The following SOX5 variants were observed in gnomAD, a reference collection of about 807,000 sequenced individuals.
The protein encoded by SOX5 is transcription factor SOX-5.
SOX5 carries 9 observed loss-of-function variants against 92.0 expected under a neutral mutation model. The ratio of observed to expected loss-of-function variants is 0.10; its 90% CI spans 0.06 to 0.17. The LOEUF is 0.17. Among genes scored for constraint, SOX5 ranks in the 10% least tolerant of loss-of-function variants. The pLI is 1.00. For missense variants in SOX5, 642 were observed against 944.5 expected (o/e 0.68, Z 4.20); for synonymous variants, 344 against 336.3 (o/e 1.02, Z -0.25).
chr12:24,357,853 AAGAAAG>A (rs1158174031), intron 2 of SOX5, among the ~76,000 whole-genome samples: 2 of 148,480 alleles, frequency 1.3e-5, no homozygotes, highest in Non-Finnish European at 1.5e-5. Context: ...AAAAAAAAAA[AAGAAAG>A]AAGAAAAAAG....
chr12:23,704,959 C>A (rs2091202240), intron 6 of SOX5, among the ~76,000 whole-genome samples: 1 of 151,296 alleles, frequency 6.6e-6, no homozygotes, highest in Non-Finnish European at 1.5e-5. Context: ...ATATAAAAGA[C>A]AGATGTTACT....
intron 4 of SOX5, among the ~76,000 whole-genome samples, chr12:23,979,897 CTGGCTGGCTGG>C (rs1413641413): frequency 4.5e-4 from 63 of 138,980 alleles, no homozygotes; most frequent in East Asian, 1.9e-3. Context: ...GGCTGGCTGG[CTGGCTGGCTGG>C]CTGGCCAGAC....
chr12:24,138,831 C>A (rs1357761187), intron 4 of SOX5, among the ~76,000 whole-genome samples: 1 of 152,090 alleles, frequency 6.6e-6, no homozygotes, highest in African/African-American at 2.4e-5. Context: ...TAGAGATATT[C>A]CCCCCATTTT....
At chr12:24,359,677 T>C (rs1750623505) in intron 2 of SOX5, among the ~76,000 whole-genome samples, 1 of 152,206 alleles carries the variant, frequency 6.6e-6, no homozygotes, top group African/African-American at 2.4e-5. Flanking sequence ...TTTTGCATGC[T>C]CTCGTGCTCT....
In SOX5 at chr12:24,383,001, A is replaced by T. The variant is rs907942258; in HGVS notation, c.-250-14362T>A. ...TAGAAACGAGGTTGCAATGTAAAAG[A>T]AATGTATATCCCCAAATAAGAGTTG... On this transcript the variant is annotated intron_variant, in intron 1 of 4. Coordinates refer to the SOX5 transcript ENST00000446891. Among the ~76,000 whole-genome samples, 8 of 152,148 alleles carry T rather than the reference A, an allele frequency of 5.3e-5. No homozygotes were observed. The East Asian group carries it at 1.3e-3, about 26-fold the overall frequency.
chr12:23,614,228 T>C (rs2076289926), intron 8 of SOX5, among the ~76,000 whole-genome samples: 1 of 152,232 alleles, frequency 6.6e-6, no homozygotes, highest in Non-Finnish European at 1.5e-5. Flanking sequence ...GAACATCACG[T>C]GCAAAGCCAT....
chr12:23,968,549 C>T (rs1366323658), intron 4 of SOX5, among the ~76,000 whole-genome samples: 1 of 152,204 alleles, frequency 6.6e-6, no homozygotes, highest in African/African-American at 2.4e-5. Context: ...TACTCCCCAC[C>T]CCATTCTTCC....
chr12:23,975,778 T>C lies in SOX5; in HGVS notation c.-1-79754A>G, dbSNP rs987978544. Among the ~76,000 whole-genome samples, 5 of 152,206 alleles carry C rather than the reference T, an allele frequency of 3.3e-5. No homozygotes were observed. In the East Asian group the frequency reaches 7.7e-4, roughly 23 times the overall value. On this transcript the variant is annotated intron_variant, in intron 4 of 4. Coordinates refer to the SOX5 transcript ENST00000446891. ...AGCACGTAGAAGAGTCCCTTGAACA[T>C]AATATGCACTATAAGTTTTTCTATT... is the stretch of plus-strand genomic sequence containing the variant.
At chr12:23,762,981 A>G (rs151295028) in intron 3 of SOX5, among the ~76,000 whole-genome samples, 284 of 152,128 alleles carry the variant, frequency 1.9e-3, no homozygotes, top group African/African-American at 6.6e-3. Flanking sequence ...ATAGACTACA[A>G]CTCTTTGTTT....
At chr12:24,418,249 G>T (rs1965358255) in intron 1 of SOX5, among the ~76,000 whole-genome samples, 1 of 152,114 alleles carries the variant, frequency 6.6e-6, no homozygotes, top group Non-Finnish European at 1.5e-5. Flanking sequence ...TCCTTCCTCA[G>T]TATGTAAGAG....
At chr12:23,837,276 T>TA (rs1460397321) in intron 3 of SOX5, among the ~76,000 whole-genome samples, 4 of 79,472 alleles carry the variant, frequency 5.0e-5, no homozygotes, top group African/African-American at 2.0e-4. Context: ...ATATAATATG[T>TA]ATTTATATTT....
chr12:24,517,650 A>C (rs999703376), intron 1 of SOX5, among the ~76,000 whole-genome samples: 3 of 152,094 alleles, frequency 2.0e-5, no homozygotes, highest in African/African-American at 7.2e-5. Context: ...CAAACATGTT[A>C]TCTAATAAAA....
At chr12:23,812,775 C>A (rs1342420031) in intron 3 of SOX5, among the ~76,000 whole-genome samples, 1 of 152,048 alleles carries the variant, frequency 6.6e-6, no homozygotes, top group Admixed American at 6.5e-5. Flanking sequence ...CCTAAAAAGA[C>A]GAATACTGAT....
chr12:23,959,732 A>G (rs1946682084), intron 4 of SOX5, among the ~76,000 whole-genome samples: 1 of 152,182 alleles, frequency 6.6e-6, no homozygotes, highest in African/African-American at 2.4e-5. Flanking sequence ...AAGCAATACA[A>G]ATTGTTCAAA....
intron 3 of SOX5, among the ~76,000 whole-genome samples, chr12:23,808,909 T>G (rs12828364): frequency 6.6e-6 from 1 of 152,194 alleles, no homozygotes; most frequent in Non-Finnish European, 1.5e-5. Context: ...TGATAAGTAT[T>G]GACATATTAA....
intron 4 of SOX5, among the ~76,000 whole-genome samples, chr12:24,188,757 C>T (rs138252052): frequency 6.6e-6 from 1 of 152,096 alleles, no homozygotes; most frequent in Non-Finnish European, 1.5e-5. Flanking sequence ...AGGGAGGTAA[C>T]AAGACCAGAG....
At chr12:23,975,695 A>G (rs967643643) in intron 4 of SOX5, among the ~76,000 whole-genome samples, 2 of 152,212 alleles carry the variant, frequency 1.3e-5, no homozygotes, top group Non-Finnish European at 2.9e-5. Context: ...TGAAGTTGAT[A>G]ATAATTATAT....
chr12:24,436,540 A>G (rs943126539), intron 1 of SOX5, among the ~76,000 whole-genome samples: 3 of 152,236 alleles, frequency 2.0e-5, no homozygotes, highest in Non-Finnish European at 4.4e-5. Context: ...GTTTAAAACC[A>G]GCAGAGGGTG....
At chr12:24,150,437 T>C (rs1593646643) in intron 4 of SOX5, among the ~76,000 whole-genome samples, 1 of 151,972 alleles carries the variant, frequency 6.6e-6, no homozygotes, top group Admixed American at 6.6e-5. Context: ...CAAGTGAAAA[T>C]GGTGAGTGAA....
Sources: allele counts gnomAD v4.1 joint callset (sites outside exome capture counted in the v4.1 genomes callset), GRCh38; gene constraint gnomAD v4.1.1; transcripts MANE v1.5; gene names NCBI Gene and HGNC (gene_info 2026-07-23, HGNC 2026-07-21).